The following ABL1 variants were observed in gnomAD, a reference collection of about 807,000 sequenced individuals.
The protein encoded by ABL1 is tyrosine-protein kinase ABL1.
In ABL1, 11 loss-of-function variants were observed where a neutral mutation model predicts 94.7. The observed-to-expected ratio is 0.12, with a 90% CI of 0.07 to 0.19. The LOEUF is 0.19. ABL1 is among the 10% of genes least tolerant of loss of function. The probability of loss-of-function intolerance (pLI) is 1.00; values close to 1 mark genes in which losing one functional copy is unlikely to be tolerated. For synonymous variants in ABL1, 656 were observed against 622.4 expected, an observed-to-expected ratio of 1.05 and a Z score of -0.80; for missense variants, 1,082 against 1,489.4, an observed-to-expected ratio of 0.73 and a Z score of 4.50.
At chr9:130,876,637 C>T (rs946078154) in intron 7 of ABL1, among the ~76,000 whole-genome samples, 1 of 151,386 alleles carries the variant, frequency 6.6e-6, no homozygotes, top group African/African-American at 2.4e-5. Flanking sequence ...CCCAGGCTGG[C>T]CTTGAACTTC....
intron 1 of ABL1, among the ~76,000 whole-genome samples, chr9:130,806,406 G>T (rs1436959045): frequency 2.6e-5 from 4 of 152,162 alleles, no homozygotes; most frequent in African/African-American, 9.7e-5. Context: ...GTAGGTAGTT[G>T]TACCAATAAG....
At chr9:130,737,455 A>G (rs1284671276) in intron 1 of ABL1, among the ~76,000 whole-genome samples, 1 of 151,552 alleles carries the variant, frequency 6.6e-6, no homozygotes, top group Non-Finnish European at 1.5e-5. Flanking sequence ...TTTTGTAGAG[A>G]TGGGGGTTTC....
Position 130,835,383 on chromosome 9 carries a change from T to TGAGCCGGGCCC in ABL1, c.-62_-52dup, listed in dbSNP as rs776405716. On this transcript the variant is annotated 5_prime_UTR_variant, in exon 1 of 11. Transcript: ENST00000318560. This position sits in a 1 kb window ranked among gnomAD's most constrained non-coding sequence, Gnocchi z 4.6. ...GGGGGCGCGCGGGCCGAGCCGGGCC[T>TGAGCCGGGCCC]GAGCCGGGCCCGCGGACCGAGCTGG... The TGAGCCGGGCCC allele has an allele frequency of 1.8e-5, 22 of 1,232,520 alleles. No homozygotes were observed. The highest frequency in any genetic ancestry group is 6.7e-5 in the South Asian group (5 of 74,478). The allele number at this position is 1,232,520 out of a possible 1,614,324, so 76.3% of individuals were successfully genotyped here. A position where few individuals can be genotyped will look rare whatever the true frequency, so the allele number is the denominator to read the frequency against.
Position 130,814,749 on chromosome 9 carries a change from C to T in ABL1, c.137-39315C>T, listed in dbSNP as rs917401105. The stretch of plus-strand genomic sequence containing the variant: ...AAAATTCTCCGGGCGTGGTGGCGGG[C>T]GCCTGTAGTCCCAGCTACTCAGGAG... On this transcript the variant is annotated intron_variant, in intron 1 of 10. Transcript: ENST00000372348. The surrounding 1 kb of genome is among the most constrained non-coding windows in gnomAD (Gnocchi z 4.4). 3.9e-5 allele frequency among the ~76,000 whole-genome samples: 6 copies of T among 152,006 alleles called. No individual in the cohort carries two copies. The highest frequency in any genetic ancestry group is 8.8e-5 in the Non-Finnish European group (6 of 68,006).
intron 1 of ABL1, among the ~76,000 whole-genome samples, chr9:130,770,371 G>T (rs1285999148): frequency 1.3e-5 from 2 of 152,136 alleles, no homozygotes; most frequent in Non-Finnish European, 2.9e-5. Flanking sequence ...GCCGGGTGTG[G>T]TGGTGCACAC....
rs974843243 is a variant in ABL1, at chr9:130,880,313, T to C, written c.1513+156T>C. On this transcript the variant is annotated intron_variant, in intron 9 of 10. Transcript: ENST00000318560. This position sits in a 1 kb window ranked among gnomAD's most constrained non-coding sequence, Gnocchi z 4.4. ...CAGAGGTGTGGAGTATTGTGCTTTC[T>C]TGTCTGCTGCAGCCCTGCAGAGTTC... Among the ~76,000 whole-genome samples, 11 of 152,184 alleles carry C rather than the reference T, an allele frequency of 7.2e-5. No homozygotes were observed. In the East Asian group the frequency reaches 1.9e-3, roughly 27 times the overall value.
chr9:130,846,018 C>CA (rs551977997), intron 1 of ABL1, among the ~76,000 whole-genome samples: 15 of 152,190 alleles, frequency 9.9e-5, no homozygotes, highest in Admixed American at 2.6e-4. Flanking sequence ...TGCACCCTAG[C>CA]AGCTGACACA....
chr9:130,715,107 T>G (rs780367388), intron 1 of ABL1, among the ~76,000 whole-genome samples: 1 of 152,200 alleles, frequency 6.6e-6, no homozygotes, highest in Non-Finnish European at 1.5e-5. Flanking sequence ...CTTCTCCCTG[T>G]TTAGAATGAT....
At chr9:130,757,536 C>CTT (rs11411714) in intron 1 of ABL1, among the ~76,000 whole-genome samples, 2,723 of 101,840 alleles carry the variant, frequency 0.027, 238 homozygotes, top group East Asian at 0.15. Flanking sequence ...TACTCCAGGC[C>CTT]TTTTTTTTTT....
chr9:130,795,500 A>G (rs1009389947), intron 1 of ABL1, among the ~76,000 whole-genome samples: 66 of 152,118 alleles, frequency 4.3e-4, no homozygotes, highest in Non-Finnish European at 1.0e-4. Context: ...TCCAGTTATG[A>G]TATATTGATG....
intron 7 of ABL1, among the ~76,000 whole-genome samples, chr9:130,876,733 CTTTTTTTTTTT>C (rs755840936): frequency 1.2e-5 from 1 of 83,230 alleles, no homozygotes. Context: ...AAGTTGGTTT[CTTTTTTTTTTT>C]TTTTTTTTTT....
chr9:130,746,990 G>C (rs1384832764), intron 1 of ABL1, among the ~76,000 whole-genome samples: 1 of 152,080 alleles, frequency 6.6e-6, no homozygotes, highest in Non-Finnish European at 1.5e-5. Context: ...GCTTCTGGAG[G>C]CCACCTGCAT....
intron 1 of ABL1, among the ~76,000 whole-genome samples, chr9:130,839,324 T>TA (rs1169452013): frequency 6.6e-6 from 1 of 152,238 alleles, no homozygotes; most frequent in Non-Finnish European, 1.5e-5. Context: ...GCCATACAGA[T>TA]ACGCTTTTAG....
intron 1 of ABL1, among the ~76,000 whole-genome samples, chr9:130,785,748 C>T (rs948873874): frequency 6.6e-6 from 1 of 151,686 alleles, no homozygotes; most frequent in Admixed American, 6.6e-5. Context: ...CATGGTGAAA[C>T]CCCGTCTCTA....
At chr9:130,771,075 T>C (rs1364195774) in intron 1 of ABL1, among the ~76,000 whole-genome samples, 3 of 152,242 alleles carry the variant, frequency 2.0e-5, no homozygotes, top group Non-Finnish European at 4.4e-5. Flanking sequence ...TCTTCCTTTT[T>C]ACATGTATAT....
At position 130,742,279 on chromosome 9, in the gene ABL1, G is replaced by A. The variant is rs141406834; in HGVS notation, c.136+27824G>A. 5.3e-5 allele frequency among the ~76,000 whole-genome samples: 8 copies of A among 152,248 alleles called. No homozygotes were observed. In the South Asian group the frequency reaches 1.0e-3, roughly 20 times the overall value. On this transcript the variant is annotated intron_variant, in intron 1 of 10. Transcript: ENST00000372348. The stretch of plus-strand genomic sequence containing the variant: ...ACGTGAGATGCACACGTAGCTTTTC[G>A]GTGATTAATCCAGGTCAATGCCCTT...
intron 1 of ABL1, among the ~76,000 whole-genome samples, chr9:130,754,152 G>C (rs1006277541): frequency 1.3e-5 from 2 of 150,050 alleles, no homozygotes; most frequent in African/African-American, 2.5e-5. Flanking sequence ...GTTGCAGTGA[G>C]CCAAGATTGC....
At chr9:130,751,875 G>T (rs559892025) in intron 1 of ABL1, among the ~76,000 whole-genome samples, 1 of 152,318 alleles carries the variant, frequency 6.6e-6, no homozygotes. Context: ...TATCCAACTT[G>T]CAGACCCTAA....
intron 1 of ABL1, among the ~76,000 whole-genome samples, chr9:130,744,521 T>C (rs1285118716): frequency 6.6e-6 from 1 of 151,640 alleles, no homozygotes; most frequent in Non-Finnish European, 1.5e-5. Flanking sequence ...TAGTTTGCTT[T>C]TATAAGCCAG....
Sources: gnomAD v4.1 joint callset for allele counts (sites outside exome capture counted in the v4.1 genomes callset) on GRCh38, gnomAD v4.1.1 for gene constraint, Gnocchi (gnomAD v3.1) non-coding constraint, MANE v1.5 for transcripts, NCBI Gene and HGNC (gene_info 2026-07-23, HGNC 2026-07-21) for gene names.